KDM4C: variants seen among roughly 807,000 people sequenced by gnomAD.
KDM4C encodes lysine demethylase 4C.
In KDM4C, 81 loss-of-function variants were observed where a neutral mutation model predicts 129.3. The observed-to-expected ratio is 0.63, with a 90% confidence interval of 0.52 to 0.75. The LOEUF (loss-of-function observed/expected upper bound fraction) is 0.75, where lower values mean the gene tolerates loss of function less well. Ranked by LOEUF, KDM4C falls within the 30% of genes least tolerant of loss-of-function variation. The pLI, the probability that KDM4C is intolerant of heterozygous loss-of-function variation, is 0.00. For synonymous variants in KDM4C, 573 were observed against 456.1 expected, an observed-to-expected ratio of 1.26 and a Z score of -3.26; for missense variants, 1,457 against 1,304.0, an observed-to-expected ratio of 1.12 and a Z score of -1.81.
At chr9:6,914,366 C>T (rs1819923047) in intron 8 of KDM4C, among the ~76,000 whole-genome samples, 1 of 152,166 alleles carries the variant, frequency 6.6e-6, no homozygotes, top group African/African-American at 2.4e-5. Flanking sequence ...GCCACTGTGC[C>T]TGGCCCATAT....
Position 6,990,438 on chromosome 9 carries a change from C to G in KDM4C, c.1700C>G (p.Thr567Ser), listed in dbSNP as rs771391567. The change falls in exon 12 of 22, where the codon ACC becomes AGC. Residue 567 changes from threonine to serine, a missense_variant. Transcript: ENST00000381309. ...VPSIAEGENK[T>S]SKSWRHPLSR... ...TAGATAGCAGAGGGAGAGAACAAAA[C>G]CTCTAAGAGTTGGCGCCATCCACTT... The G allele has an allele frequency of 1.2e-6, 2 of 1,611,890 alleles. No homozygotes were observed. Among genetic ancestry groups the G allele is most frequent in the Admixed American group, 1.7e-5 (1 of 59,794 alleles).
intron 2 of KDM4C, among the ~76,000 whole-genome samples, chr9:6,795,669 T>A (rs72699680): frequency 0.065 from 9,772 of 150,852 alleles, 387 homozygotes; most frequent in East Asian, 0.2. Context: ...CCTAGAAAAT[T>A]TTTTTTTTTT....
intron 5 of KDM4C, among the ~76,000 whole-genome samples, chr9:6,876,222 G>A (rs1313426804): frequency 6.6e-6 from 1 of 152,174 alleles, no homozygotes; most frequent in East Asian, 1.9e-4. Context: ...TCACCTCATT[G>A]CCTTGTAGCC....
At chr9:6,862,142 C>A (rs1335267881) in intron 5 of KDM4C, among the ~76,000 whole-genome samples, 2 of 152,132 alleles carry the variant, frequency 1.3e-5, no homozygotes, top group African/African-American at 4.8e-5. Flanking sequence ...TAATCAGAGA[C>A]AGAAAACTTA....
intron 19 of KDM4C, among the ~76,000 whole-genome samples, chr9:7,134,537 A>G (rs1426862748): frequency 2.0e-5 from 3 of 152,226 alleles, no homozygotes; most frequent in Non-Finnish European, 4.4e-5. Flanking sequence ...CAATTTTTCT[A>G]GGCATTTAAT....
At chr9:7,106,206 A>G (rs1190597291) in intron 18 of KDM4C, among the ~76,000 whole-genome samples, 7 of 152,214 alleles carry the variant, frequency 4.6e-5, no homozygotes, top group Non-Finnish European at 8.8e-5. Context: ...GGTTAAGAAC[A>G]TTGTGATTTG....
chr9:6,746,268 T>TC (rs1563924131), intron 1 of KDM4C, among the ~76,000 whole-genome samples: 1 of 111,852 alleles, frequency 8.9e-6, no homozygotes, highest in East Asian at 2.7e-4. Context: ...ATATGTTTTT[T>TC]TTTTTTTTTT....
chr9:6,864,398 T>C (rs1841540382), intron 5 of KDM4C, among the ~76,000 whole-genome samples: 1 of 152,268 alleles, frequency 6.6e-6, no homozygotes, highest in African/African-American at 2.4e-5. Context: ...CCTTTATATG[T>C]CATTGCTTCT....
chr9:6,805,834 A>C, intron 3 of KDM4C, 60 bp downstream of exon 3: 1 of 1,486,388 alleles, frequency 6.7e-7, no homozygotes, highest in Admixed American at 2.0e-5. Flanking sequence ...ATATGTTAAG[A>C]AACAAAGTAG....
intron 17 of KDM4C, among the ~76,000 whole-genome samples, chr9:7,068,686 C>CTTTTTTTTTTTTTTTTT (rs542039227): frequency 6.9e-5 from 7 of 101,766 alleles, no homozygotes; most frequent in African/African-American, 2.7e-4. Context: ...GATGCCCTTT[C>CTTTTTTTTTTTTTTTTT]TTTTTTTTTT....
intron 17 of KDM4C, among the ~76,000 whole-genome samples, chr9:7,060,454 G>T (rs10976013): frequency 7.8e-6 from 1 of 127,566 alleles, no homozygotes; most frequent in Non-Finnish European, 1.6e-5. Flanking sequence ...CAGTATTGTT[G>T]TTATTATTAT....
chr9:6,744,555 C>T (rs903896000), intron 1 of KDM4C, among the ~76,000 whole-genome samples: 11 of 152,096 alleles, frequency 7.2e-5, no homozygotes, highest in African/African-American at 2.6e-4. Context: ...CTAGTAACAG[C>T]TTAATTTTTA....
chr9:6,947,932 C>G (rs959663669), intron 8 of KDM4C: 1 of 151,892 alleles, frequency 6.6e-6, no homozygotes, highest in Admixed American at 6.5e-5. Flanking sequence ...GTTTTCATTT[C>G]TTTTTTATTG....
At chr9:6,766,790 T>A (rs1820716833) in intron 1 of KDM4C, among the ~76,000 whole-genome samples, 1 of 152,080 alleles carries the variant, frequency 6.6e-6, no homozygotes, top group African/African-American at 2.4e-5. Flanking sequence ...TTTAACCTGC[T>A]GGGCTTCCCT....
intron 19 of KDM4C, among the ~76,000 whole-genome samples, chr9:7,132,520 G>A (rs1417626148): frequency 6.6e-6 from 1 of 152,192 alleles, no homozygotes; most frequent in African/African-American, 2.4e-5. Flanking sequence ...GTGTGTATCA[G>A]CCCAGTTAAA....
intron 19 of KDM4C, among the ~76,000 whole-genome samples, chr9:7,151,127 A>C (rs1337227857): frequency 6.6e-6 from 1 of 151,812 alleles, no homozygotes; most frequent in Non-Finnish European, 1.5e-5. Flanking sequence ...CCTTGCCAAC[A>C]TAGTGAGACC....
chr9:6,885,057 T>C (rs1384773060), intron 6 of KDM4C, among the ~76,000 whole-genome samples: 25 of 152,242 alleles, frequency 1.6e-4, no homozygotes, highest in Non-Finnish European at 1.0e-4. Context: ...AGAATAGAGC[T>C]CATTGAGTTT....
At chr9:6,857,920 A>G (rs1469784366) in intron 5 of KDM4C, among the ~76,000 whole-genome samples, 2 of 117,864 alleles carry the variant, frequency 1.7e-5, no homozygotes, top group East Asian at 5.6e-4. Context: ...ACATCTGGCT[A>G]AGTTTTTTTT....
intron 17 of KDM4C, 29 bp downstream of exon 17, chr9:7,049,229 A>C: frequency 8.3e-7 from 1 of 1,199,176 alleles, no homozygotes; most frequent in Non-Finnish European, 1.2e-6. Context: ...TTTTTACCTC[A>C]TAAATTAGTG....
Sources: allele counts gnomAD v4.1 joint callset (sites outside exome capture counted in the v4.1 genomes callset), GRCh38; gene constraint gnomAD v4.1.1; transcripts MANE v1.5; gene names NCBI Gene and HGNC (gene_info 2026-07-23, HGNC 2026-07-21).